SPATA33: variants seen among roughly 807,000 people sequenced by gnomAD.
SPATA33 encodes the protein spermatogenesis associated 33.
A neutral mutation model predicts 8.9 loss-of-function variants in SPATA33; 10 were observed. The observed-to-expected ratio is 1.12, with a 90% CI of 0.69 to 1.90. SPATA33 has a LOEUF of 1.90. Among genes scored for constraint, SPATA33 ranks in the 40% most tolerant of loss-of-function variants. The pLI is 0.00. For synonymous variants in SPATA33, 96 were observed against 72.8 expected, an observed-to-expected ratio of 1.32 and a Z score of -1.63; for missense variants, 241 against 178.3, an observed-to-expected ratio of 1.35 and a Z score of -2.00.
chr16:89,658,330 G>C lies in SPATA33; in HGVS notation c.120G>C (p.Arg40Ser). 5 of 1,613,974 alleles carry C rather than the reference G, an allele frequency of 3.1e-6. No homozygotes were observed. Among genetic ancestry groups the C allele is most frequent in the Non-Finnish European group, 4.2e-6 (5 of 1,180,040 alleles). Residue 40 changes from arginine (R) to serine (S), a missense_variant, in exon 2 of 3, where the codon AGG (arginine) becomes AGC (serine). By Grantham distance (110) the Arg-to-Ser change is moderately radical. Transcript: ENST00000579310. ...TGGAGAAGCATTCCCAGGAAGCCAGGCAGGCAGACAGGGAGTCGGAGAAGC... is the reference window on the plus strand; with the variant it reads ...TGGAGAAGCATTCCCAGGAAGCCAGCCAGGCAGACAGGGAGTCGGAGAAGC... ...KLMEKHSQEA[R>S]QADRESEKPV...
At chr16:89,658,000 G>GCC in intron 1 of SPATA33, 52 bp downstream of exon 1, 1 of 1,503,688 alleles carries the variant, frequency 6.7e-7, no homozygotes, top group Non-Finnish European at 8.8e-7. Flanking sequence ...CTGGGCGCGG[G>GCC]CCCAGGGCGG....
chr16:89,661,550 C>T (rs1426835459), intron 2 of SPATA33: 4 of 152,166 alleles, frequency 2.6e-5, no homozygotes, highest in African/African-American at 9.7e-5. Context: ...TGAAAACGGA[C>T]TAATACAGAT....
chr16:89,658,116 G>T, intron 1 of SPATA33, 132 bp from the exon 2 acceptor site: 2 of 1,511,578 alleles, frequency 1.3e-6, no homozygotes, highest in South Asian at 1.3e-5. Context: ...CGCCTGAGGC[G>T]GTTACGGAAA....
chr16:89,660,768 G>A, intron 2 of SPATA33: 1 of 891,350 alleles, frequency 1.1e-6, no homozygotes. Flanking sequence ...GACTTTGGAG[G>A]GTGATGGAAA....
At position 89,663,681 on chromosome 16, in the gene SPATA33, G is replaced by A. The variant is rs192523976; in HGVS notation, c.211+5260G>A. The stretch of plus-strand genomic sequence containing the variant: ...GGCAGGGCTTTGGGGTTGGGGTAGG[G>A]AGTGGGTGTGTCTGAAGGGCAGCAG... On this transcript the variant is annotated intron_variant, in intron 2 of 2. Transcript: ENST00000579310. Among the ~76,000 whole-genome samples, 25 of 152,300 alleles carry A rather than the reference G, an allele frequency of 1.6e-4. No individual in the cohort carries two copies. In the East Asian group the frequency reaches 3.9e-3, roughly 23 times the overall value.
At chr16:89,660,158 C>T (rs2059946730) in intron 2 of SPATA33, 1 of 200,836 alleles carries the variant, frequency 5.0e-6, no homozygotes, top group African/African-American at 2.3e-5. Flanking sequence ...CTCTTCTTGA[C>T]CACTCTCAGT....
chr16:89,665,542 C>A (rs1163954907), intron 2 of SPATA33, among the ~76,000 whole-genome samples: 1 of 141,036 alleles, frequency 7.1e-6, no homozygotes, highest in Non-Finnish European at 1.5e-5. Context: ...TCTTAATTTC[C>A]TGACCTCGTG....
In SPATA33 at chr16:89,665,284, C is replaced by T. The variant is rs185192686; in HGVS notation, c.212-4002C>T. On this transcript the variant is annotated intron_variant, in intron 2 of 2. Coordinates refer to ENST00000579310, the MANE Select transcript of SPATA33 (RefSeq NM_001271907.2). ...TGCTGGGATTACAGGCGTGAGCCAC[C>T]GCACCTGGCCCAAGATTAATATTTC... 4.3e-3 allele frequency among the ~76,000 whole-genome samples: 559 copies of T among 129,762 alleles called. 2 individuals carry two copies. Among genetic ancestry groups the T allele is most frequent in the African/African-American group, 0.015 (504 of 34,440 alleles). The allele number at this position is 129,762 out of a possible 152,430, so 85.1% of individuals were successfully genotyped here.
intron 2 of SPATA33, among the ~76,000 whole-genome samples, chr16:89,665,480 ATTT>A: frequency 7.3e-6 from 1 of 137,454 alleles, no homozygotes; most frequent in African/African-American, 2.8e-5. Flanking sequence ...AATTTTTTGT[ATTT>A]TTTTTTTTTT....
chr16:89,658,084 C>T, intron 1 of SPATA33, 136 bp downstream of exon 1: 4 of 1,480,806 alleles, frequency 2.7e-6, no homozygotes, highest in Non-Finnish European at 3.6e-6. Context: ...GCCGCCGAGT[C>T]CGCCACGGAC....
At chr16:89,666,819 A>C (rs571613892) in intron 2 of SPATA33, among the ~76,000 whole-genome samples, 5 of 152,176 alleles carry the variant, frequency 3.3e-5, no homozygotes, top group African/African-American at 9.6e-5. Flanking sequence ...CCTGGCAGCC[A>C]AGGCAGAGAG....
At chr16:89,657,994 G>C in intron 1 of SPATA33, 46 bp downstream of exon 1, 2 of 1,503,376 alleles carry the variant, frequency 1.3e-6, no homozygotes, top group East Asian at 2.7e-5. Context: ...CCGCCCCTGG[G>C]CGCGGGCCCA....
At position 89,657,935 on chromosome 16, in the gene SPATA33, G is replaced by A; in HGVS notation, c.24G>A (p.Glu8=). 1 of 1,517,842 alleles carries A rather than the reference G, an allele frequency of 6.6e-7. No individual in the cohort carries two copies. Among genetic ancestry groups the A allele is most frequent in the Non-Finnish European group, 8.8e-7 (1 of 1,139,982 alleles). 94.0% of individuals were successfully genotyped at this position (1,517,842 alleles called of 1,614,324 possible). A position where few individuals can be genotyped will look rare whatever the true frequency, so the allele number is the denominator to read the frequency against. The stretch of plus-strand genomic sequence containing the variant: ...CCATGGGCCTTTCCAAAAGCAAAGA[G>A]AAACCCAGGAAAGGTAAAGGAGGCG... The part of the protein sequence containing the change: MGLSKSK[E]KPRKGEEQKK... The change falls in exon 1 of 3, where the codon GAG becomes GAA. Residue 8 remains glutamate (E), a synonymous_variant. Coordinates refer to ENST00000579310, the MANE Select transcript of SPATA33 (RefSeq NM_001271907.2).
chr16:89,669,627 T>G lies in SPATA33; in HGVS notation c.*130T>G. The G allele has an allele frequency of 1.2e-6, 1 of 832,800 alleles. No individual in the cohort carries two copies. The highest frequency in any genetic ancestry group is 1.8e-6 in the Non-Finnish European group (1 of 543,880). The allele number at this position is 832,800 out of a possible 1,614,324, so 51.6% of individuals were successfully genotyped here. ...AGGTTGCACCAGGCCCACCCCACCC[T>G]GTGAGAAACTGCAGCCCCCTTCTCC... On this transcript the variant is annotated 3_prime_UTR_variant, in exon 3 of 3. Coordinates refer to ENST00000579310, the MANE Select transcript of SPATA33 (RefSeq NM_001271907.2).
Position 89,669,687 on chromosome 16 carries a change from A to C in SPATA33, c.*190A>C, listed in dbSNP as rs1247133406. On this transcript the variant is annotated 3_prime_UTR_variant, in exon 3 of 3. Transcript: ENST00000579310. The stretch of plus-strand genomic sequence containing the variant: ...GGGGAGGGTGCACCAGGCCCGCCCC[A>C]CCTTGTGAGAAGCCGTGGCCCCCTT... 5 of 597,498 alleles carry C rather than the reference A, an allele frequency of 8.4e-6. No homozygotes were observed. Among genetic ancestry groups the C allele is most frequent in the Non-Finnish European group, 1.4e-5 (5 of 345,450 alleles). The allele number at this position is 597,498 out of a possible 1,614,324, so 37.0% of individuals were successfully genotyped here.
chr16:89,660,369 C>A (rs1411711118), intron 2 of SPATA33: 6 of 832,938 alleles, frequency 7.2e-6, no homozygotes, highest in Non-Finnish European at 8.0e-6. Context: ...TGGGCAGGAC[C>A]TCTGCCAGTA....
At chr16:89,661,020 G>A in intron 2 of SPATA33, 1 of 990,840 alleles carries the variant, frequency 1.0e-6, no homozygotes, top group Non-Finnish European at 1.2e-6. Context: ...CAACTGCCTG[G>A]ACAACCACAC....
Position 89,669,826 on chromosome 16 carries a change from C to T in SPATA33, c.*329C>T, listed in dbSNP as rs1281290988. 7.7e-6 allele frequency: 2 copies of T among 258,706 alleles called. No individual in the cohort carries two copies. Among genetic ancestry groups the T allele is most frequent in the African/African-American group, 7.1e-5 (2 of 28,102 alleles). 16.0% of individuals were successfully genotyped at this position (258,706 alleles called of 1,614,324 possible). On this transcript the variant is annotated 3_prime_UTR_variant, in exon 3 of 3. Coordinates refer to ENST00000579310, the MANE Select transcript of SPATA33 (RefSeq NM_001271907.2). ...CCAGGCCCACCCCACCCTGTGAGAACCTGCAGCCCCCTTCTCCAATGCTCT... is the reference window on the plus strand; with the variant it reads ...CCAGGCCCACCCCACCCTGTGAGAATCTGCAGCCCCCTTCTCCAATGCTCT...
At chr16:89,665,431 C>A (rs1303538382) in intron 2 of SPATA33, among the ~76,000 whole-genome samples, 2 of 151,856 alleles carry the variant, frequency 1.3e-5, no homozygotes, top group African/African-American at 4.8e-5. Flanking sequence ...CAGCCTCCCG[C>A]ATAGCTGGGA....
Sources: gnomAD v4.1 joint callset for allele counts (sites outside exome capture counted in the v4.1 genomes callset) on GRCh38, gnomAD v4.1.1 for gene constraint, MANE v1.5 for transcripts, NCBI Gene and HGNC (gene_info 2026-07-23, HGNC 2026-07-21) for gene names.